PXDNL: variants seen among roughly 807,000 people sequenced by gnomAD.
PXDNL encodes probable oxidoreductase PXDNL.
A neutral mutation model predicts 150.8 loss-of-function variants in PXDNL; 145 were observed. The observed-to-expected ratio is 0.96, with a 90% CI of 0.84 to 1.10. PXDNL has a LOEUF of 1.10. PXDNL is among the 50% of genes least tolerant of loss of function. PXDNL has a pLI of 0.00. For missense variants in PXDNL, 2,087 were observed against 1,873.9 expected (o/e 1.11, Z -2.10); for synonymous variants, 757 against 725.7 (o/e 1.04, Z -0.69).
intron 17 of PXDNL, among the ~76,000 whole-genome samples, chr8:51,380,766 A>AT (rs1807506782): frequency 6.6e-6 from 1 of 152,148 alleles, no homozygotes; most frequent in Non-Finnish European, 1.5e-5. Context: ...CTTACAGTGT[A>AT]TTTTTGAGAT....
intron 14 of PXDNL, among the ~76,000 whole-genome samples, chr8:51,422,009 C>T (rs1808968166): frequency 6.6e-6 from 1 of 152,110 alleles, no homozygotes. Context: ...GCCTGAGCTC[C>T]ACCTCCTGTC....
chr8:51,377,319 G>A (rs1049315389), intron 17 of PXDNL, among the ~76,000 whole-genome samples: 2 of 151,994 alleles, frequency 1.3e-5, no homozygotes, highest in African/African-American at 4.8e-5. Flanking sequence ...CTGGACTGCA[G>A]TGGTGCAATT....
At chr8:51,428,125 C>G (rs1809158772) in intron 12 of PXDNL, among the ~76,000 whole-genome samples, 1 of 152,094 alleles carries the variant, frequency 6.6e-6, no homozygotes, top group South Asian at 2.1e-4. Flanking sequence ...TTTACAATTG[C>G]TCAAAAGCAT....
rs765755102 is a variant in PXDNL, at chr8:51,472,204, A to C, written c.795T>G (p.Ile265Met). The C allele has an allele frequency of 9.3e-6, 15 of 1,611,284 alleles. No homozygotes were observed. The East Asian group carries it at 3.1e-4, about 34-fold the overall frequency. The change falls in exon 8 of 23, where the codon ATT becomes ATG. Residue 265 changes from isoleucine to methionine, a missense_variant. Transcript: ENST00000356297. ...CRAEGNPKPE[I>M]IWIHNNHSLD... ...GTATTTACTTGTTGTGTATCCAAATAATCTCAGGTTTGGGGTTTCCTTCCG... is the reference window on the plus strand; with the variant it reads ...GTATTTACTTGTTGTGTATCCAAATCATCTCAGGTTTGGGGTTTCCTTCCG...
intron 1 of PXDNL, among the ~76,000 whole-genome samples, chr8:51,748,030 G>A (rs2037005786): frequency 6.6e-6 from 1 of 152,102 alleles, no homozygotes; most frequent in Admixed American, 6.6e-5. Context: ...AGTGTGAGTG[G>A]TAAATGAGTT....
chr8:51,342,927 C>CTA (rs975530451), intron 20 of PXDNL, among the ~76,000 whole-genome samples: 1 of 148,700 alleles, frequency 6.7e-6, no homozygotes, highest in Non-Finnish European at 1.5e-5. Context: ...AGTACACAGT[C>CTA]TATTTTCCAT....
intron 2 of PXDNL, among the ~76,000 whole-genome samples, chr8:51,600,840 A>ATAT (rs1247138399): frequency 1.2e-4 from 17 of 137,904 alleles, no homozygotes; most frequent in Non-Finnish European, 2.1e-4. Flanking sequence ...ATAATAAATT[A>ATAT]CATCTTATAT....
At chr8:51,621,616 C>T (rs1426726725) in intron 2 of PXDNL, among the ~76,000 whole-genome samples, 1 of 151,948 alleles carries the variant, frequency 6.6e-6, no homozygotes, top group African/African-American at 2.4e-5. Flanking sequence ...AGATATCATG[C>T]CTGTGACTAT....
At chr8:51,606,242 C>A (rs1813836064) in intron 2 of PXDNL, among the ~76,000 whole-genome samples, 1 of 152,088 alleles carries the variant, frequency 6.6e-6, no homozygotes, top group Non-Finnish European at 1.5e-5. Flanking sequence ...ATAAAGAGAT[C>A]TCAAAAGTTA....
intron 19 of PXDNL, among the ~76,000 whole-genome samples, chr8:51,360,945 C>A (rs1419682439): frequency 2.0e-5 from 3 of 152,232 alleles, no homozygotes; most frequent in African/African-American, 2.4e-5. Flanking sequence ...ACAAATCATT[C>A]TTTACTCAGT....
intron 20 of PXDNL, among the ~76,000 whole-genome samples, chr8:51,342,899 A>G (rs969071392): frequency 3.4e-5 from 5 of 146,816 alleles, no homozygotes; most frequent in African/African-American, 1.3e-4. Flanking sequence ...AAAAAAAAAA[A>G]GGGCCTTGCT....
At chr8:51,731,595 C>T (rs370818815) in intron 1 of PXDNL, among the ~76,000 whole-genome samples, 23 of 152,346 alleles carry the variant, frequency 1.5e-4, no homozygotes, top group African/African-American at 5.3e-4. Context: ...GTTCCCATTC[C>T]ACATTCCCTT....
chr8:51,761,025 ATTTTT>A (rs71237238), intron 1 of PXDNL, among the ~76,000 whole-genome samples: 25 of 114,456 alleles, frequency 2.2e-4, no homozygotes, highest in African/African-American at 3.3e-4. Flanking sequence ...CGCCCGGCTA[ATTTTT>A]TTTTTTTTTT....
intron 19 of PXDNL, among the ~76,000 whole-genome samples, chr8:51,369,027 A>G (rs1325775957): frequency 6.6e-6 from 1 of 152,110 alleles, no homozygotes; most frequent in African/African-American, 2.4e-5. Context: ...AAATAAATAA[A>G]TCATTTAAAC....
intron 2 of PXDNL, among the ~76,000 whole-genome samples, chr8:51,609,542 G>A (rs1186022172): frequency 6.6e-6 from 1 of 152,228 alleles, no homozygotes; most frequent in Non-Finnish European, 1.5e-5. Context: ...GGTAGTTAAA[G>A]TGAATTAAGC....
At chr8:51,638,629 T>A (rs542650578) in intron 2 of PXDNL, among the ~76,000 whole-genome samples, 1 of 152,076 alleles carries the variant, frequency 6.6e-6, no homozygotes, top group Non-Finnish European at 1.5e-5. Context: ...AGTAAAGGGA[T>A]CAATTCAACA....
intron 1 of PXDNL, among the ~76,000 whole-genome samples, chr8:51,695,899 G>T (rs1816111726): frequency 6.6e-6 from 1 of 152,102 alleles, no homozygotes; most frequent in Admixed American, 6.5e-5. Flanking sequence ...ACAGGCTAGT[G>T]GTTTGGACAA....
chr8:51,329,362 T>G (rs188470526), intron 21 of PXDNL, among the ~76,000 whole-genome samples: 1 of 152,292 alleles, frequency 6.6e-6, no homozygotes, highest in East Asian at 1.9e-4. Context: ...AGCCATGGCA[T>G]CTACAGCTAC....
At position 51,423,590 on chromosome 8, in the gene PXDNL, A is replaced by C; in HGVS notation, c.1780T>G (p.Phe594Val). Reference sequence around the variant, plus strand: ...AGACACCTACCCGTGACTGTAAGAAACATGTTGGTCACAGCAAGGCCAAAA... The same window carrying C: ...AGACACCTACCCGTGACTGTAAGAACCATGTTGGTCACAGCAAGGCCAAAA... Reference protein sequence around the residue: ...NSFGLAVTNMFLTVTAIQGRQ... With the variant: ...NSFGLAVTNMVLTVTAIQGRQ... Residue 594 changes from phenylalanine to valine, a missense_variant, in exon 14 of 23, where the codon TTT becomes GTT. By Grantham distance (50) the Phe-to-Val change is conservative. Coordinates refer to ENST00000356297, the MANE Select transcript of PXDNL (RefSeq NM_144651.5). 1 of 1,613,718 alleles carries C rather than the reference A, an allele frequency of 6.2e-7. No individual in the cohort carries two copies. The highest frequency in any genetic ancestry group is 2.2e-5 in the East Asian group (1 of 44,852).
Sources: allele counts gnomAD v4.1 joint callset (sites outside exome capture counted in the v4.1 genomes callset), GRCh38; gene constraint gnomAD v4.1.1; transcripts MANE v1.5; gene names NCBI Gene and HGNC (gene_info 2026-07-23, HGNC 2026-07-21).